Variants in SHISA9 observed in about 807,000 individuals in gnomAD.
The protein encoded by SHISA9 is protein shisa-9.
SHISA9 carries 13 observed loss-of-function variants against 38.0 expected under a neutral mutation model. That is an observed-to-expected ratio of 0.34 (90% CI 0.22 to 0.54). SHISA9 has a LOEUF of 0.54. Among genes scored for constraint, SHISA9 ranks in the 20% least tolerant of loss-of-function variants. The pLI is 0.91. For synonymous variants in SHISA9, 275 were observed against 242.0 expected (o/e 1.14, Z -1.27); for missense variants, 538 against 575.8 (o/e 0.93, Z 0.67).
At chr16:13,180,958 AT>A (rs900841165) in intron 2 of SHISA9, among the ~76,000 whole-genome samples, 140 of 151,628 alleles carry the variant, frequency 9.2e-4, no homozygotes, top group African/African-American at 3.3e-3. Context: ...TTAATTCACT[AT>A]TTTTTTTCAT....
chr16:12,909,342 GC>G, intron 1 of SHISA9: 1 of 985,376 alleles, frequency 1.0e-6, no homozygotes, highest in East Asian at 1.1e-4. Flanking sequence ...CATTGCCCTT[GC>G]ATTTTTGAAA....
the SHISA9 span, among the ~76,000 whole-genome samples, chr16:13,377,485 C>G: frequency 6.6e-6 from 1 of 152,188 alleles, no homozygotes; most frequent in African/African-American, 2.4e-5. Flanking sequence ...GTTACCTGGA[C>G]TGCTAGGCCA....
chr16:12,914,643 G>C (rs1003013242), intron 1 of SHISA9, among the ~76,000 whole-genome samples: 1 of 152,116 alleles, frequency 6.6e-6, no homozygotes, highest in Non-Finnish European at 1.5e-5. Flanking sequence ...TCCACGTAAA[G>C]TCCCTATGTA....
At chr16:13,161,234 C>G (rs2050592437) in intron 2 of SHISA9, among the ~76,000 whole-genome samples, 1 of 152,122 alleles carries the variant, frequency 6.6e-6, no homozygotes, top group South Asian at 2.1e-4. Context: ...TGGTCAGAGT[C>G]AAAAGGCGTG....
chr16:13,026,027 A>G (rs1261610345), intron 2 of SHISA9, among the ~76,000 whole-genome samples: 1 of 151,980 alleles, frequency 6.6e-6, no homozygotes, highest in African/African-American at 2.4e-5. Flanking sequence ...CTGGTCTCGA[A>G]CTCCCGACCT....
At chr16:12,924,343 A>G (rs1390012272) in intron 2 of SHISA9, among the ~76,000 whole-genome samples, 1 of 152,214 alleles carries the variant, frequency 6.6e-6, no homozygotes, top group Non-Finnish European at 1.5e-5. Flanking sequence ...TAGTTATTGA[A>G]TGAATGAATA....
At chr16:13,490,686 G>A in the SHISA9 span, among the ~76,000 whole-genome samples, 1 of 152,192 alleles carries the variant, frequency 6.6e-6, no homozygotes, top group Non-Finnish European at 1.5e-5. Context: ...TTGGTGCAAT[G>A]TATGTATTGA....
At chr16:13,527,353 C>T in the SHISA9 span, among the ~76,000 whole-genome samples, 2 of 152,236 alleles carry the variant, frequency 1.3e-5, no homozygotes, top group Non-Finnish European at 2.9e-5. Flanking sequence ...TACAACACCA[C>T]TCCCAGTCTT....
chr16:13,003,622 C>T (rs1427275219), intron 2 of SHISA9, among the ~76,000 whole-genome samples: 4 of 152,098 alleles, frequency 2.6e-5, no homozygotes, highest in Non-Finnish European at 4.4e-5. Context: ...TTTTGGGAGG[C>T]CAGAGTGGGT....
chr16:13,294,705 A>G, the SHISA9 span, among the ~76,000 whole-genome samples: 1 of 152,208 alleles, frequency 6.6e-6, no homozygotes, highest in Non-Finnish European at 1.5e-5. Context: ...CACATTGGCA[A>G]ATACTGTATC....
chr16:13,274,099 A>C, the SHISA9 span, among the ~76,000 whole-genome samples: 1 of 152,208 alleles, frequency 6.6e-6, no homozygotes, highest in Non-Finnish European at 1.5e-5. Context: ...TATCCATAAC[A>C]CATGCCATTG....
the SHISA9 span, among the ~76,000 whole-genome samples, chr16:13,433,038 T>A: frequency 0.74 from 111,806 of 151,692 alleles, 41,387 homozygotes; most frequent in Admixed American, 0.83. Context: ...CTAAGTAACA[T>A]ACCTGCACTT....
the SHISA9 span, among the ~76,000 whole-genome samples, chr16:13,539,191 AT>A: frequency 6.6e-6 from 1 of 150,814 alleles, no homozygotes; most frequent in Non-Finnish European, 1.5e-5. Context: ...GTGCAGTGGC[AT>A]GATCACAGCT....
the SHISA9 span, among the ~76,000 whole-genome samples, chr16:13,524,068 AC>A: frequency 1.3e-5 from 2 of 151,986 alleles, no homozygotes; most frequent in East Asian, 3.9e-4. Context: ...AAGGAATTTG[AC>A]CCCCTCCCAC....
chr16:13,034,337 C>T (rs556025048), intron 2 of SHISA9, among the ~76,000 whole-genome samples: 13 of 152,256 alleles, frequency 8.5e-5, no homozygotes, highest in Non-Finnish European at 1.8e-4. Flanking sequence ...AATTTCTCAG[C>T]TTCTGTTTCA....
intron 1 of SHISA9, among the ~76,000 whole-genome samples, chr16:12,913,311 C>T (rs2071211021): frequency 6.6e-6 from 1 of 152,074 alleles, no homozygotes; most frequent in Admixed American, 6.5e-5. Context: ...ATTCTCCTGC[C>T]CCAGCCTCCT....
Position 12,955,213 on chromosome 16 carries a change from G to A in SHISA9, c.691+38398G>A, listed in dbSNP as rs146509910. On this transcript the variant is annotated intron_variant, in intron 2 of 4. Transcript: ENST00000558583. Reference sequence around the variant, plus strand: ...ACAATGGGCATGTCAGGACTGGCTGGATTCCACCAATTCCCAGACACAAGT... The same window carrying A: ...ACAATGGGCATGTCAGGACTGGCTGAATTCCACCAATTCCCAGACACAAGT... Among the ~76,000 whole-genome samples the A allele has an allele frequency of 3.1e-4, 47 of 152,244 alleles. No individual in the cohort carries two copies. The East Asian group carries it at 8.7e-3, about 28-fold the overall frequency.
chr16:13,417,588 C>T, the SHISA9 span, among the ~76,000 whole-genome samples: 2 of 152,246 alleles, frequency 1.3e-5, no homozygotes, highest in Admixed American at 1.3e-4. Flanking sequence ...GTCTTGCAAA[C>T]TGCTGAACAC....
chr16:13,360,939 C>A, the SHISA9 span, among the ~76,000 whole-genome samples: 4 of 152,202 alleles, frequency 2.6e-5, no homozygotes, highest in Non-Finnish European at 5.9e-5. Flanking sequence ...CCTTCACCAG[C>A]TTTTCATCCT....
Sources: allele counts gnomAD v4.1 joint callset (sites outside exome capture counted in the v4.1 genomes callset), GRCh38; gene constraint gnomAD v4.1.1; transcripts MANE v1.5; gene names NCBI Gene and HGNC (gene_info 2026-07-23, HGNC 2026-07-21).